The following ZC2HC1B variants were observed in gnomAD, a reference collection of about 807,000 sequenced individuals.
ZC2HC1B encodes zinc finger C2HC-type containing 1B.
In ZC2HC1B, 36 loss-of-function variants were observed where a neutral mutation model predicts 31.0. That is an observed-to-expected ratio of 1.16 (90% CI 0.89 to 1.54). ZC2HC1B has a LOEUF of 1.54. ZC2HC1B is among the 40% of genes most tolerant of loss of function. The pLI is 0.00. For missense variants in ZC2HC1B, 260 were observed against 268.6 expected (o/e 0.97, Z 0.22); for synonymous variants, 73 against 88.0 (o/e 0.83, Z 0.95).
intron 6 of ZC2HC1B, among the ~76,000 whole-genome samples, chr6:143,904,988 G>C (rs1335882376): frequency 1.3e-5 from 2 of 152,178 alleles, no homozygotes; most frequent in African/African-American, 4.8e-5. Context: ...CTTTTAGTAA[G>C]TTTTGACATC....
intron 6 of ZC2HC1B, among the ~76,000 whole-genome samples, chr6:143,916,563 G>A (rs569334215): frequency 2.0e-5 from 3 of 152,320 alleles, no homozygotes; most frequent in African/African-American, 7.2e-5. Flanking sequence ...ACCAGCCCAC[G>A]AAAGCAGCCA....
Position 143,917,966 on chromosome 6 carries a change from T to A in ZC2HC1B, c.598+14814T>A, listed in dbSNP as rs1489239016. ...AACAAAAAAGTGGAGTTGCAAACCA[T>A]TATTACAATAGTACTAGCTTTTATA... On this transcript the variant is annotated intron_variant, in intron 6 of 7. Coordinates refer to ENST00000237275, the MANE Select transcript of ZC2HC1B (RefSeq NM_001013623.3). This position sits in a 1 kb window ranked among gnomAD's most constrained non-coding sequence, Gnocchi z 4.1. Among the ~76,000 whole-genome samples, 4 of 152,224 alleles carry A rather than the reference T, an allele frequency of 2.6e-5. No individual in the cohort carries two copies. Among genetic ancestry groups the A allele is most frequent in the Non-Finnish European group, 5.9e-5 (4 of 68,034 alleles).
At chr6:143,875,121 C>A (rs1458387786) in intron 1 of ZC2HC1B, among the ~76,000 whole-genome samples, 2 of 152,180 alleles carry the variant, frequency 1.3e-5, no homozygotes, top group East Asian at 3.8e-4. Context: ...GCATGAGCCA[C>A]CACTGCACCT....
intron 1 of ZC2HC1B, 109 bp downstream of exon 1, chr6:143,864,676 C>A: frequency 8.5e-7 from 1 of 1,180,002 alleles, no homozygotes; most frequent in Non-Finnish European, 1.2e-6. Flanking sequence ...CATGTGTGAT[C>A]CGTTTAAATC....
intron 6 of ZC2HC1B, among the ~76,000 whole-genome samples, chr6:143,906,946 A>C (rs1777802437): frequency 6.6e-6 from 1 of 152,014 alleles, no homozygotes; most frequent in Admixed American, 6.6e-5. Flanking sequence ...CCCATTCTCC[A>C]GCAGGCCCCA....
chr6:143,883,182 G>A lies in ZC2HC1B; in HGVS notation c.29-1122G>A, dbSNP rs1031069633. On this transcript the variant is annotated intron_variant, in intron 1 of 7. Coordinates refer to ENST00000237275, the MANE Select transcript of ZC2HC1B (RefSeq NM_001013623.3). This position sits in a 1 kb window ranked among gnomAD's most constrained non-coding sequence, Gnocchi z 4.1. ...AGCCTCCTGAGTAGCTGGGACCACA[G>A]GCGCGAGCCACCAAGCCCAACTAAT... Among the ~76,000 whole-genome samples the A allele has an allele frequency of 6.6e-6, 1 of 152,142 alleles. No homozygotes were observed. Among genetic ancestry groups the A allele is most frequent in the Admixed American group, 6.6e-5 (1 of 15,266 alleles).
chr6:143,886,051 G>T lies in ZC2HC1B; in HGVS notation c.110G>T (p.Cys37Phe). 6.5e-7 allele frequency: 1 copy of T among 1,541,080 alleles called. No individual in the cohort carries two copies. The highest frequency in any genetic ancestry group is 8.7e-7 in the Non-Finnish European group (1 of 1,143,876). Residue 37 changes from cysteine (C) to phenylalanine (F), a missense_variant, in exon 3 of 8, where the codon TGT becomes TTT. Physicochemically the swap from Cys to Phe is radical, Grantham distance 205. Transcript: ENST00000237275. This position sits in a 1 kb window ranked among gnomAD's most constrained non-coding sequence, Gnocchi z 4.2. ...TTCTAGGAAAGGCATGGACCAATAT[G>T]TAAGAAACTCTTCAACAGAAAGCGT... is the stretch of plus-strand genomic sequence containing the variant. ...ADVLERHGPICKKLFNRKRKP... is the reference protein window; with the variant it reads ...ADVLERHGPIFKKLFNRKRKP...
intron 4 of ZC2HC1B, among the ~76,000 whole-genome samples, chr6:143,894,702 T>C (rs1323066429): frequency 6.6e-6 from 1 of 152,244 alleles, no homozygotes; most frequent in East Asian, 1.9e-4. Flanking sequence ...ATGTAAGTAC[T>C]TTGGCAACAA....
chr6:143,870,568 A>G lies in ZC2HC1B; in HGVS notation c.28+6001A>G, dbSNP rs141173605. Among the ~76,000 whole-genome samples, 2,191 of 152,168 alleles carry G rather than the reference A, an allele frequency of 0.014. 47 individuals carry two copies. Among genetic ancestry groups the G allele is most frequent in the African/African-American group, 0.05 (2,094 of 41,506 alleles). On this transcript the variant is annotated intron_variant, in intron 1 of 7. Coordinates refer to ENST00000237275, the MANE Select transcript of ZC2HC1B (RefSeq NM_001013623.3). This position sits in a 1 kb window ranked among gnomAD's most constrained non-coding sequence, Gnocchi z 4.7. ...TGATGGATGCTGCTGTGCATGACCC[A>G]CTTTATGGCTAGATGGGTCAGAAAG...
intron 4 of ZC2HC1B, among the ~76,000 whole-genome samples, chr6:143,897,922 C>T (rs567478009): frequency 2.6e-5 from 4 of 152,312 alleles, no homozygotes; most frequent in African/African-American, 9.6e-5. Context: ...TCTAGAACTA[C>T]TTTCTTTACA....
chr6:143,864,586 C>A lies in ZC2HC1B; in HGVS notation c.28+19C>A. 6.4e-7 allele frequency: 1 copy of A among 1,551,442 alleles called. No homozygotes were observed. ...TTGGCAGGTGAGCTGCACTTGATAT[C>A]TAAATTATTAGAAAATGCCTTCATC... On this transcript the variant is annotated intron_variant, in intron 1 of 7. Transcript: ENST00000237275.
Position 143,899,038 on chromosome 6 carries a change from T to C in ZC2HC1B, c.489+347T>C, listed in dbSNP as rs1187118322. ...ATTGCGAACCTGAAGTGAAACTGCCTGAGTGGGACAGGCTGTCCCAAGGCA... is the reference window on the plus strand; with the variant it reads ...ATTGCGAACCTGAAGTGAAACTGCCCGAGTGGGACAGGCTGTCCCAAGGCA... On this transcript the variant is annotated intron_variant, in intron 5 of 7. Coordinates refer to ENST00000237275, the MANE Select transcript of ZC2HC1B (RefSeq NM_001013623.3). This position sits in a 1 kb window ranked among gnomAD's most constrained non-coding sequence, Gnocchi z 5.0. Among the ~76,000 whole-genome samples, 1 of 152,232 alleles carries C rather than the reference T, an allele frequency of 6.6e-6. No individual in the cohort carries two copies. The highest frequency in any genetic ancestry group is 1.5e-5 in the Non-Finnish European group (1 of 68,044).
In ZC2HC1B at chr6:143,869,019, T is replaced by TA. The variant is rs1777305066; in HGVS notation, c.28+4453dup. Among the ~76,000 whole-genome samples the TA allele has an allele frequency of 6.6e-6, 1 of 152,240 alleles. No homozygotes were observed. The highest frequency in any genetic ancestry group is 2.4e-5 in the African/African-American group (1 of 41,472). ...ATTTCTGCAGCTGGTCACGTGGTCA[T>TA]AGCTGGTATTGATGACTACATTCTT... On this transcript the variant is annotated intron_variant, in intron 1 of 7. Coordinates refer to ENST00000237275, the MANE Select transcript of ZC2HC1B (RefSeq NM_001013623.3). This position sits in a 1 kb window ranked among gnomAD's most constrained non-coding sequence, Gnocchi z 5.2.
chr6:143,882,612 TATC>T (rs1562338646), intron 1 of ZC2HC1B, among the ~76,000 whole-genome samples: 1 of 151,764 alleles, frequency 6.6e-6, no homozygotes. Flanking sequence ...CCTCCTGGCT[TATC>T]ATCATCATTT....
intron 6 of ZC2HC1B, among the ~76,000 whole-genome samples, chr6:143,928,953 A>G (rs886366114): frequency 2.0e-5 from 3 of 151,246 alleles, no homozygotes; most frequent in Non-Finnish European, 4.4e-5. Flanking sequence ...CTGGAACTTT[A>G]CTGAATTCAT....
At chr6:143,926,546 G>T (rs935681157) in intron 6 of ZC2HC1B, among the ~76,000 whole-genome samples, 2 of 152,018 alleles carry the variant, frequency 1.3e-5, no homozygotes, top group African/African-American at 2.4e-5. Flanking sequence ...GTCTATACTA[G>T]AGAATGTTCC....
In ZC2HC1B at chr6:143,892,905, T is replaced by A. The variant is rs191371415; in HGVS notation, c.350-5647T>A. 7.5e-3 allele frequency among the ~76,000 whole-genome samples: 1,131 copies of A among 151,356 alleles called. 8 individuals are homozygous for A. The highest frequency in any genetic ancestry group is 0.012 in the Non-Finnish European group (805 of 67,886). ...ACAAAATCCACTAATAATTTTTTTT[T>A]AAAAAAAGGAAATTAGTAAATTGAG... On this transcript the variant is annotated intron_variant, in intron 4 of 7. Transcript: ENST00000237275.
At position 143,865,582 on chromosome 6, in the gene ZC2HC1B, G is replaced by A. The variant is rs1028089746; in HGVS notation, c.28+1015G>A. ...ACTGTTTTTCAGTCTCCTCTCGCAG[G>A]ACAAACCCTGAAGGCACAGTGTTTT... On this transcript the variant is annotated intron_variant, in intron 1 of 7. Coordinates refer to ENST00000237275, the MANE Select transcript of ZC2HC1B (RefSeq NM_001013623.3). This position sits in a 1 kb window ranked among gnomAD's most constrained non-coding sequence, Gnocchi z 4.4. Among the ~76,000 whole-genome samples the A allele has an allele frequency of 6.6e-6, 1 of 152,184 alleles. No homozygotes were observed. Among genetic ancestry groups the A allele is most frequent in the Non-Finnish European group, 1.5e-5 (1 of 68,034 alleles).
Position 143,924,155 on chromosome 6 carries a change from C to G in ZC2HC1B, c.599-13494C>G, listed in dbSNP as rs1229756237. Among the ~76,000 whole-genome samples, 1 of 151,862 alleles carries G rather than the reference C, an allele frequency of 6.6e-6. No individual in the cohort carries two copies. Among genetic ancestry groups the G allele is most frequent in the Non-Finnish European group, 1.5e-5 (1 of 67,918 alleles). Reference sequence around the variant, plus strand: ...GTTTTGAAGTTTTCCTCGTAAGCGTCTTTCACTTTCTTGGTTTAATTTATT... The same window carrying G: ...GTTTTGAAGTTTTCCTCGTAAGCGTGTTTCACTTTCTTGGTTTAATTTATT... On this transcript the variant is annotated intron_variant, in intron 6 of 7. Transcript: ENST00000237275. The surrounding 1 kb of genome is among the most constrained non-coding windows in gnomAD (Gnocchi z 5.2).
Sources: gnomAD v4.1 joint callset for allele counts (sites outside exome capture counted in the v4.1 genomes callset) on GRCh38, gnomAD v4.1.1 for gene constraint, Gnocchi (gnomAD v3.1) non-coding constraint, MANE v1.5 for transcripts, NCBI Gene and HGNC (gene_info 2026-07-23, HGNC 2026-07-21) for gene names.